The following NHEJ1 variants were observed in gnomAD, a reference collection of about 807,000 sequenced individuals.
NHEJ1 encodes the protein non-homologous end-joining factor 1.
Under a neutral mutation model 39.4 loss-of-function variants are expected in NHEJ1, and 22 were observed. That is an observed-to-expected ratio of 0.56 (90% CI 0.40 to 0.80). NHEJ1 has a LOEUF of 0.80. NHEJ1 is among the 30% of genes least tolerant of loss of function. The pLI is 0.00. For synonymous variants in NHEJ1, 154 were observed against 135.6 expected, an observed-to-expected ratio of 1.14 and a Z score of -0.94; for missense variants, 329 against 357.1, an observed-to-expected ratio of 0.92 and a Z score of 0.63.
intron 4 of NHEJ1, 88 bp from the exon 5 acceptor site, chr2:219,146,826 T>C: frequency 9.7e-7 from 1 of 1,032,924 alleles, no homozygotes; most frequent in Non-Finnish European, 1.5e-6. Flanking sequence ...CAGGGCTACT[T>C]AGGAAAGAGG....
chr2:219,143,296 A>C (rs1360630026), intron 5 of NHEJ1, among the ~76,000 whole-genome samples: 1 of 152,170 alleles, frequency 6.6e-6, no homozygotes, highest in Non-Finnish European at 1.5e-5. Context: ...GAGTAACTAA[A>C]AAGATGCAGT....
In NHEJ1 at chr2:219,077,391, T is replaced by C. The variant is rs139443213; in HGVS notation, c.707-27A>G. ...TGAAATCAGAAAGATCAAGAGAAGA[T>C]AGTGATAAATGCCTTCTTCTTACCA... On this transcript the variant is annotated intron_variant, in intron 6 of 7. Transcript: ENST00000356853. The C allele has an allele frequency of 1.2e-3, 1,811 of 1,496,494 alleles. 8 individuals carry two copies. Among genetic ancestry groups the C allele is most frequent in the African/African-American group, 0.011 (829 of 72,776 alleles). The allele number at this position is 1,496,494 out of a possible 1,614,324, so 92.7% of individuals were successfully genotyped here. A position where few individuals can be genotyped will look rare whatever the true frequency, so the allele number is the denominator to read the frequency against.
chr2:219,076,569 T>C (rs2106319088), intron 7 of NHEJ1, 114 bp from the exon 8 acceptor site: 1 of 942,102 alleles, frequency 1.1e-6, no homozygotes, highest in African/African-American at 1.7e-5. Flanking sequence ...TTTTTTTTTT[T>C]TTTTTTTTTT....
intron 5 of NHEJ1, among the ~76,000 whole-genome samples, chr2:219,096,872 G>A (rs758212072): frequency 2.0e-5 from 3 of 152,156 alleles, no homozygotes; most frequent in Non-Finnish European, 4.4e-5. Context: ...TGTGACAACT[G>A]TTTTTACTTA....
At chr2:219,112,721 C>T (rs537979408) in intron 5 of NHEJ1, among the ~76,000 whole-genome samples, 1 of 152,298 alleles carries the variant, frequency 6.6e-6, no homozygotes, top group East Asian at 1.9e-4. Context: ...TGAAGTTTTT[C>T]AGGAACAAAC....
chr2:219,133,509 T>C (rs1949598007), intron 5 of NHEJ1, among the ~76,000 whole-genome samples: 1 of 152,216 alleles, frequency 6.6e-6, no homozygotes, highest in African/African-American at 2.4e-5. Flanking sequence ...TCTTAAGAAC[T>C]CTGTAAGCTA....
chr2:219,141,934 T>C (rs907339168), intron 5 of NHEJ1, among the ~76,000 whole-genome samples: 3 of 152,124 alleles, frequency 2.0e-5, no homozygotes, highest in East Asian at 3.9e-4. Flanking sequence ...AGTTAAAGCA[T>C]TGCCCATCTT....
intron 5 of NHEJ1, among the ~76,000 whole-genome samples, chr2:219,080,703 ATG>A (rs1949059232): frequency 7.2e-6 from 1 of 139,620 alleles, no homozygotes; most frequent in East Asian, 2.0e-4. Context: ...ATATATATAT[ATG>A]CTAATATATA....
At chr2:219,077,396 A>G (rs769000952) in intron 6 of NHEJ1, 32 bp from the exon 7 acceptor site, 2 of 1,475,958 alleles carry the variant, frequency 1.4e-6, no homozygotes, top group African/African-American at 2.8e-5. Flanking sequence ...GAAGATAGTG[A>G]TAAATGCCTT....
intron 5 of NHEJ1, among the ~76,000 whole-genome samples, chr2:219,104,532 G>A (rs1949296524): frequency 6.6e-6 from 1 of 152,102 alleles, no homozygotes; most frequent in Non-Finnish European, 1.5e-5. Context: ...GGGAATAGAG[G>A]AGAAGTATCA....
intron 5 of NHEJ1, among the ~76,000 whole-genome samples, chr2:219,079,154 T>A (rs999525975): frequency 1.3e-5 from 2 of 152,116 alleles, no homozygotes; most frequent in Non-Finnish European, 2.9e-5. Context: ...CTGAACAAAG[T>A]GCGATAAAAA....
In NHEJ1 at chr2:219,077,512, T is replaced by G. The variant is rs1949025781; in HGVS notation, c.707-148A>C. On this transcript the variant is annotated intron_variant, in intron 6 of 7. Transcript: ENST00000356853. ...AGTAGCCACAAGTCCAACTTCCAGCTGACTTTCAGAAAGTCCTGTTTCTGC... is the reference window on the plus strand; with the variant it reads ...AGTAGCCACAAGTCCAACTTCCAGCGGACTTTCAGAAAGTCCTGTTTCTGC... The G allele has an allele frequency of 7.0e-6, 5 of 712,500 alleles. No homozygotes were observed. The Admixed American group carries it at 8.0e-5, about 11-fold the overall frequency. 44.1% of individuals were successfully genotyped at this position (712,500 alleles called of 1,614,324 possible).
chr2:219,114,705 C>T (rs976382415), intron 5 of NHEJ1, among the ~76,000 whole-genome samples: 2 of 152,128 alleles, frequency 1.3e-5, no homozygotes, highest in African/African-American at 4.8e-5. Flanking sequence ...AGACCAGTGC[C>T]CATCTAATTC....
At chr2:219,148,046 G>A (rs938751417) in intron 3 of NHEJ1, among the ~76,000 whole-genome samples, 3 of 152,224 alleles carry the variant, frequency 2.0e-5, no homozygotes, top group Non-Finnish European at 4.4e-5. Flanking sequence ...GTCACTTGAG[G>A]TCAGGAGTTT....
In NHEJ1 at chr2:219,074,300, A is replaced by T. The variant is rs1483333163; in HGVS notation, c.*2081T>A. 6.6e-6 allele frequency among the ~76,000 whole-genome samples: 1 copy of T among 152,222 alleles called. No individual in the cohort carries two copies. Among genetic ancestry groups the T allele is most frequent in the Non-Finnish European group, 1.5e-5 (1 of 68,034 alleles). ...TTCACAGGCCTCTGGCCCCGCTGTG[A>T]TGAAAAATGTCTTGAGTCTGTGCTG... On this transcript the variant is annotated 3_prime_UTR_variant, in exon 8 of 8. Coordinates refer to ENST00000356853, the MANE Select transcript of NHEJ1 (RefSeq NM_024782.3).
At chr2:219,127,912 C>T (rs752177752) in intron 5 of NHEJ1, among the ~76,000 whole-genome samples, 1 of 152,178 alleles carries the variant, frequency 6.6e-6, no homozygotes, top group Non-Finnish European at 1.5e-5. Flanking sequence ...GGAAAATAAA[C>T]CTTTAGTCCA....
intron 5 of NHEJ1, among the ~76,000 whole-genome samples, chr2:219,107,633 T>G (rs1949326142): frequency 6.6e-6 from 1 of 152,164 alleles, no homozygotes; most frequent in African/African-American, 2.4e-5. Flanking sequence ...TTGCTCCATA[T>G]GGACCCCACT....
At chr2:219,116,572 G>C (rs1949418746) in intron 5 of NHEJ1, among the ~76,000 whole-genome samples, 1 of 152,114 alleles carries the variant, frequency 6.6e-6, no homozygotes, top group South Asian at 2.1e-4. Flanking sequence ...TGCCCAGGCT[G>C]TCTCGAACTA....
rs1340798509 is a variant in NHEJ1 at position 219,129,840 on chromosome 2, GCCA to G, written c.588+16837_588+16839del. On this transcript the variant is annotated intron_variant, in intron 5 of 7. Coordinates refer to ENST00000356853, the MANE Select transcript of NHEJ1 (RefSeq NM_024782.3). ...CGCCACCTTCACCCGTTCGACAGCC[GCCA>G]GGGCTGCCAGAAAGCAGGTCACAAT... Among the ~76,000 whole-genome samples, 9 of 152,280 alleles carry G rather than the reference GCCA, an allele frequency of 5.9e-5. No homozygotes were observed. In the East Asian group the frequency reaches 1.7e-3, roughly 29 times the overall value.
Sources: allele counts gnomAD v4.1 joint callset (sites outside exome capture counted in the v4.1 genomes callset), GRCh38; gene constraint gnomAD v4.1.1; transcripts MANE v1.5; gene names NCBI Gene and HGNC (gene_info 2026-07-23, HGNC 2026-07-21).